The following SETBP1 variants were observed in gnomAD, a reference collection of about 807,000 sequenced individuals.
SETBP1 encodes SET binding protein 1.
In SETBP1, 9 loss-of-function variants were observed where a neutral mutation model predicts 101.0. That is an observed-to-expected ratio of 0.09 (90% CI 0.05 to 0.16). The LOEUF (loss-of-function observed/expected upper bound fraction) is 0.16, where lower values mean the gene tolerates loss of function less well. Ranked by LOEUF, SETBP1 falls within the 10% of genes least tolerant of loss-of-function variation. SETBP1 has a pLI of 1.00. For missense variants in SETBP1, 1,858 were observed against 2,033.8 expected, an observed-to-expected ratio of 0.91 and a Z score of 1.66; for synonymous variants, 818 against 788.5, an observed-to-expected ratio of 1.04 and a Z score of -0.63.
At chr18:44,736,939 T>C (rs572175612) in intron 2 of SETBP1, among the ~76,000 whole-genome samples, 8 of 152,360 alleles carry the variant, frequency 5.3e-5, no homozygotes, top group African/African-American at 1.9e-4. Context: ...ACTCTCTCTC[T>C]CTTACACACT....
intron 3 of SETBP1, among the ~76,000 whole-genome samples, chr18:44,897,127 G>T (rs1307112622): frequency 2.6e-5 from 4 of 152,146 alleles, no homozygotes; most frequent in Non-Finnish European, 5.9e-5. Flanking sequence ...GGTTAAGATT[G>T]CATTTGCGCT....
intron 3 of SETBP1, among the ~76,000 whole-genome samples, chr18:44,887,150 G>A (rs1599277489): frequency 6.6e-6 from 1 of 152,132 alleles, no homozygotes; most frequent in Admixed American, 6.5e-5. Context: ...GTGGGGACAT[G>A]AACTCCCTTT....
In SETBP1 at chr18:44,749,137, G is replaced by A. The variant is rs2070327133; in HGVS notation, c.486+47305G>A. On this transcript the variant is annotated intron_variant, in intron 2 of 5. Transcript: ENST00000649279. ...TTCTTCCCCCTTTCCATCACTCAAA[G>A]CAACACTCTCCCAAGGCAGATGCAT... is the stretch of plus-strand genomic sequence containing the variant. Among the ~76,000 whole-genome samples the A allele has an allele frequency of 2.0e-5, 3 of 152,146 alleles. No homozygotes were observed. In the South Asian group the frequency reaches 6.2e-4, roughly 32 times the overall value.
chr18:44,873,473 A>G (rs1490433770), intron 3 of SETBP1, among the ~76,000 whole-genome samples: 5 of 152,188 alleles, frequency 3.3e-5, no homozygotes, highest in Admixed American at 1.3e-4. Flanking sequence ...ATTCAAATGT[A>G]GAAGAAATTA....
chr18:44,913,875 G>T (rs1281883440), intron 3 of SETBP1, among the ~76,000 whole-genome samples: 3 of 152,194 alleles, frequency 2.0e-5, no homozygotes, highest in African/African-American at 7.2e-5. Flanking sequence ...TACTGAAAAG[G>T]CTTGGTTCAT....
intron 2 of SETBP1, among the ~76,000 whole-genome samples, chr18:44,775,588 T>A (rs1447600679): frequency 6.6e-6 from 1 of 151,962 alleles, no homozygotes; most frequent in East Asian, 1.9e-4. Context: ...TTCTAATTTG[T>A]TTTTTTTCTA....
intron 1 of SETBP1, among the ~76,000 whole-genome samples, chr18:44,686,190 TTCCCTGACTCTTCTGTG>T (rs1422754190): frequency 6.6e-6 from 1 of 152,242 alleles, no homozygotes; most frequent in African/African-American, 2.4e-5. Flanking sequence ...AGCTCATTTG[TTCCCTGACTCTTCTGTG>T]TCCCTCCTTT....
intron 3 of SETBP1, among the ~76,000 whole-genome samples, chr18:44,909,192 G>T (rs887352491): frequency 2.6e-5 from 4 of 152,216 alleles, no homozygotes; most frequent in Non-Finnish European, 5.9e-5. Flanking sequence ...AAGGAGAAAT[G>T]GGGAACTTCT....
chr18:44,719,718 G>C (rs980317025), intron 2 of SETBP1, among the ~76,000 whole-genome samples: 2 of 152,208 alleles, frequency 1.3e-5, no homozygotes, highest in African/African-American at 4.8e-5. Context: ...GCTGACCTTT[G>C]CTCCCAATTT....
chr18:44,989,280 T>A (rs1261332479), intron 4 of SETBP1: 1 of 151,970 alleles, frequency 6.6e-6, no homozygotes, highest in Non-Finnish European at 1.5e-5. Flanking sequence ...ACTGCCCAAA[T>A]AGAAAGTCTA....
intron 4 of SETBP1, among the ~76,000 whole-genome samples, chr18:45,001,511 G>A (rs754798260): frequency 3.7e-4 from 57 of 152,144 alleles, no homozygotes; most frequent in Non-Finnish European, 6.9e-4. Flanking sequence ...GCCCGAAGAG[G>A]TGGGGAGCTG....
At position 44,952,618 on chromosome 18, in the gene SETBP1, C is replaced by A. The variant is rs755540645; in HGVS notation, c.3278C>A (p.Pro1093His). ...SPFMRPTVPP[P>H]QFHTNSHVKM... is the part of the protein sequence containing the mutation. ...TTCATGAGGCCAACAGTGCCACCAC[C>A]TCAGTTCCACACAAACTCCCACGTA... The change falls in exon 4 of 6, where the codon CCT becomes CAT. Residue 1093 changes from proline to histidine, a missense_variant. This residue lies in a region of SETBP1 where 255 missense variants were observed against 300.1 expected (regional missense o/e 0.85). Transcript: ENST00000649279. 2 of 1,613,720 alleles carry A rather than the reference C, an allele frequency of 1.2e-6. No individual in the cohort carries two copies. The highest frequency in any genetic ancestry group is 1.7e-6 in the Non-Finnish European group (2 of 1,179,790).
chr18:44,985,244 A>G (rs1261290617), intron 4 of SETBP1, among the ~76,000 whole-genome samples: 2 of 152,178 alleles, frequency 1.3e-5, no homozygotes, highest in South Asian at 2.1e-4. Flanking sequence ...AATTGACAAG[A>G]AAGTCTTAAA....
At chr18:44,879,131 T>C (rs1228862522) in intron 3 of SETBP1, among the ~76,000 whole-genome samples, 4 of 152,250 alleles carry the variant, frequency 2.6e-5, no homozygotes, top group African/African-American at 7.2e-5. Context: ...TGTGATGTTG[T>C]TGTAATCTTT....
chr18:45,053,666 G>T (rs1376743228), intron 5 of SETBP1, among the ~76,000 whole-genome samples: 1 of 152,150 alleles, frequency 6.6e-6, no homozygotes, highest in African/African-American at 2.4e-5. Flanking sequence ...TGAAGTTCTA[G>T]CATGGTCAAC....
chr18:44,968,426 G>A (rs1203617117), intron 4 of SETBP1, among the ~76,000 whole-genome samples: 3 of 152,154 alleles, frequency 2.0e-5, no homozygotes, highest in African/African-American at 7.2e-5. Context: ...CTGGATAGTG[G>A]GCATGATCTG....
chr18:44,922,357 A>T (rs2070602067), intron 3 of SETBP1, among the ~76,000 whole-genome samples: 1 of 152,234 alleles, frequency 6.6e-6, no homozygotes, highest in African/African-American at 2.4e-5. Context: ...CAGAACAAGA[A>T]CTTGCACCTG....
At position 44,876,016 on chromosome 18, in the gene SETBP1, A is replaced by G. The variant is rs748033; in HGVS notation, c.540+6733A>G. On this transcript the variant is annotated intron_variant, in intron 3 of 5. Coordinates refer to ENST00000649279, the MANE Select transcript of SETBP1 (RefSeq NM_015559.3). ...TATTGAGTTTCCTTGATCTTTGACA[A>G]GGGCCATGAAAAAGCAATTTCTTTA... 5.2e-3 allele frequency among the ~76,000 whole-genome samples: 798 copies of G among 152,358 alleles called. 8 individuals carry two copies. The highest frequency in any genetic ancestry group is 0.018 in the African/African-American group (741 of 41,586).
Position 45,063,853 on chromosome 18 carries a change from C to T in SETBP1, c.*155C>T. 1.3e-6 allele frequency: 1 copy of T among 757,138 alleles called. No homozygotes were observed. The highest frequency in any genetic ancestry group is 1.9e-5 in the South Asian group (1 of 52,838). 46.9% of individuals were successfully genotyped at this position (757,138 alleles called of 1,614,324 possible). ...AATCCGGCCAGACGACGGGGCTGAG[C>T]CATCAGGAGCTCTTGGGAAAGCAAA... On this transcript the variant is annotated 3_prime_UTR_variant, in exon 6 of 6. Transcript: ENST00000649279.
Sources: gnomAD v4.1 joint callset for allele counts (sites outside exome capture counted in the v4.1 genomes callset) on GRCh38, gnomAD v4.1.1 for gene constraint, gnomAD v4.1.1 regional missense constraint, MANE v1.5 for transcripts, NCBI Gene and HGNC (gene_info 2026-07-23, HGNC 2026-07-21) for gene names.